The following KHDRBS2 variants were observed in gnomAD, a reference collection of about 807,000 sequenced individuals.
The protein encoded by KHDRBS2 is KH domain-containing, RNA-binding, signal transduction-associated protein 2.
In KHDRBS2, 26 loss-of-function variants were observed where a neutral mutation model predicts 44.3. The ratio of observed to expected loss-of-function variants is 0.59; its 90% CI spans 0.43 to 0.81. KHDRBS2 has a LOEUF of 0.81. KHDRBS2 is among the 40% of genes least tolerant of loss of function. KHDRBS2 has a pLI of 0.00. For missense variants in KHDRBS2, 476 were observed against 433.1 expected, an observed-to-expected ratio of 1.10 and a Z score of -0.88; for synonymous variants, 194 against 151.1, an observed-to-expected ratio of 1.28 and a Z score of -2.08.
At chr6:62,089,636 C>T (rs185331946) in intron 2 of KHDRBS2, among the ~76,000 whole-genome samples, 203 of 152,298 alleles carry the variant, frequency 1.3e-3, no homozygotes, top group Non-Finnish European at 2.1e-3. Context: ...CTGCATTGGT[C>T]TCGCTGGGAG....
In KHDRBS2 at chr6:61,843,339, A is replaced by ATTT. The variant is rs1241941867; in HGVS notation, c.810+51293_810+51295dup. Among the ~76,000 whole-genome samples, 8 of 109,692 alleles carry ATTT rather than the reference A, an allele frequency of 7.3e-5. No homozygotes were observed. The South Asian group carries it at 1.3e-3, about 18-fold the overall frequency. 72.0% of individuals were successfully genotyped at this position (109,692 alleles called of 152,430 possible). A position where few individuals can be genotyped will look rare whatever the true frequency, so the allele number is the denominator to read the frequency against. On this transcript the variant is annotated intron_variant, in intron 6 of 8. Transcript: ENST00000281156. ...ATGGCATGGTATATGAATTATATCT[A>ATTT]TTTTATTATTATTATTATTATTATT...
intron 2 of KHDRBS2, among the ~76,000 whole-genome samples, chr6:62,118,119 C>A (rs192116615): frequency 6.0e-4 from 92 of 152,278 alleles, no homozygotes; most frequent in African/African-American, 2.2e-3. Flanking sequence ...TGTCTAGTTT[C>A]TTTCTTCTGC....
intron 2 of KHDRBS2, among the ~76,000 whole-genome samples, chr6:62,080,411 G>T (rs561211371): frequency 2.0e-5 from 3 of 152,032 alleles, no homozygotes; most frequent in African/African-American, 7.2e-5. Flanking sequence ...TTTTCCATTA[G>T]AAATGACAAT....
intron 3 of KHDRBS2, among the ~76,000 whole-genome samples, chr6:61,998,645 T>G (rs1458079966): frequency 6.6e-6 from 1 of 152,094 alleles, no homozygotes; most frequent in Non-Finnish European, 1.5e-5. Context: ...CTGGCATATA[T>G]TTTTAGTATA....
chr6:61,977,885 C>T lies in KHDRBS2; in HGVS notation c.483+181G>A, dbSNP rs535904596. The stretch of plus-strand genomic sequence containing the variant: ...ATGGAACCATCACTATATGGCAACA[C>T]GCCAGGTCCTGTGTTAAGTGGTTTT... On this transcript the variant is annotated intron_variant, in intron 4 of 8. Transcript: ENST00000281156. Among the ~76,000 whole-genome samples, 11 of 152,248 alleles carry T rather than the reference C, an allele frequency of 7.2e-5. No individual in the cohort carries two copies. In the South Asian group the frequency reaches 8.3e-4, roughly 11 times the overall value.
At chr6:61,665,590 G>GA in the KHDRBS2 span, among the ~76,000 whole-genome samples, 1 of 150,958 alleles carries the variant, frequency 6.6e-6, no homozygotes, top group Non-Finnish European at 1.5e-5. Flanking sequence ...ATATGATATA[G>GA]AAAATAGAAA....
At chr6:62,237,193 TA>T (rs1159914082) in intron 1 of KHDRBS2, among the ~76,000 whole-genome samples, 2 of 152,180 alleles carry the variant, frequency 1.3e-5, no homozygotes. Flanking sequence ...GTTAAGAAGA[TA>T]GAGGCTCTAA....
intron 1 of KHDRBS2, among the ~76,000 whole-genome samples, chr6:62,232,560 T>G (rs909447756): frequency 1.3e-5 from 2 of 152,024 alleles, no homozygotes; most frequent in African/African-American, 4.8e-5. Context: ...AATACACACC[T>G]ACACACCTGA....
In KHDRBS2 at chr6:61,771,964, G is replaced by T. The variant is rs1209529932; in HGVS notation, c.811-39200C>A. ...AAAGCACTCTTCAGCAAATGTAAAA[G>T]AAAAGAAATTATAACAAACTGTATC... On this transcript the variant is annotated intron_variant, in intron 6 of 8. Transcript: ENST00000281156. 5.3e-5 allele frequency among the ~76,000 whole-genome samples: 8 copies of T among 152,226 alleles called. No individual in the cohort carries two copies. In the East Asian group the frequency reaches 1.4e-3, roughly 26 times the overall value.
chr6:62,003,595 C>T (rs149623927), intron 3 of KHDRBS2, among the ~76,000 whole-genome samples: 85 of 152,146 alleles, frequency 5.6e-4, no homozygotes, highest in African/African-American at 2.0e-3. Context: ...CTGTCAATAT[C>T]AGACAGATCA....
At chr6:61,943,017 AGAAAGG>A (rs1181516118) in intron 4 of KHDRBS2, among the ~76,000 whole-genome samples, 5 of 147,732 alleles carry the variant, frequency 3.4e-5, no homozygotes, top group South Asian at 2.2e-4. Context: ...AGAGAGAGAG[AGAAAGG>A]AAGGAAGGAA....
chr6:61,945,134 T>TAC (rs1278899550), intron 4 of KHDRBS2, among the ~76,000 whole-genome samples: 10 of 100,320 alleles, frequency 1.0e-4, no homozygotes, highest in Non-Finnish European at 2.1e-4. Context: ...TATATATATA[T>TAC]ATATATATAT....
chr6:61,867,435 C>T (rs998508037), intron 6 of KHDRBS2, among the ~76,000 whole-genome samples: 6 of 152,092 alleles, frequency 3.9e-5, no homozygotes, highest in African/African-American at 1.2e-4. Context: ...CACAGCCAAA[C>T]CCTATCACTT....
chr6:61,654,764 A>C, the KHDRBS2 span, among the ~76,000 whole-genome samples: 2,428 of 151,598 alleles, frequency 0.016, 65 homozygotes, highest in African/African-American at 0.057. Context: ...CAGGACAAGA[A>C]GATGCTTCTA....
At chr6:61,799,984 A>G (rs1363041424) in intron 6 of KHDRBS2, among the ~76,000 whole-genome samples, 2 of 152,124 alleles carry the variant, frequency 1.3e-5, no homozygotes, top group African/African-American at 4.8e-5. Flanking sequence ...TACACATTAT[A>G]TGTTTGTATA....
intron 1 of KHDRBS2, among the ~76,000 whole-genome samples, chr6:62,188,611 C>T (rs1823944319): frequency 6.6e-6 from 1 of 152,086 alleles, no homozygotes; most frequent in Non-Finnish European, 1.5e-5. Flanking sequence ...GAAATAAATG[C>T]ATGAAGATCT....
At chr6:61,816,068 A>G (rs1264424776) in intron 6 of KHDRBS2, among the ~76,000 whole-genome samples, 1 of 152,176 alleles carries the variant, frequency 6.6e-6, no homozygotes, top group Non-Finnish European at 1.5e-5. Context: ...GAGATGGAAT[A>G]GTATCCCTTA....
At chr6:61,543,526 G>A in the KHDRBS2 span, among the ~76,000 whole-genome samples, 2 of 151,910 alleles carry the variant, frequency 1.3e-5, no homozygotes, top group Non-Finnish European at 2.9e-5. Context: ...CCACTATGGA[G>A]TACAGTTTGA....
At chr6:62,095,872 A>G (rs1422256359) in intron 2 of KHDRBS2, among the ~76,000 whole-genome samples, 1 of 151,886 alleles carries the variant, frequency 6.6e-6, no homozygotes, top group African/African-American at 2.4e-5. Flanking sequence ...TACAGAATTT[A>G]TTACATTGAG....
Sources: allele counts gnomAD v4.1 joint callset (sites outside exome capture counted in the v4.1 genomes callset), GRCh38; gene constraint gnomAD v4.1.1; transcripts MANE v1.5; gene names NCBI Gene and HGNC (gene_info 2026-07-23, HGNC 2026-07-21).